FSTL4: variants seen among roughly 807,000 people sequenced by gnomAD.
The protein encoded by FSTL4 is follistatin like 4.
Under a neutral mutation model 78.2 loss-of-function variants are expected in FSTL4, and 28 were observed. The observed-to-expected ratio is 0.36, with a 90% CI of 0.27 to 0.49. FSTL4 has a LOEUF of 0.49. FSTL4 is among the 20% of genes least tolerant of loss of function. The pLI, the probability that FSTL4 is intolerant of heterozygous loss-of-function variation, is 0.98. For synonymous variants in FSTL4, 422 were observed against 440.5 expected (o/e 0.96, Z 0.53); for missense variants, 922 against 1,084.9 (o/e 0.85, Z 2.11).
chr5:133,540,720 C>CAAAAAAAAAAAAAAAAAAAAAAA (rs79162509), intron 3 of FSTL4, among the ~76,000 whole-genome samples: 5 of 70,266 alleles, frequency 7.1e-5, no homozygotes, highest in African/African-American at 1.7e-4. Flanking sequence ...TTAACATAGG[C>CAAAAAAAAAAAAAAAAAAAAAAA]AAAAAAAAAA....
intron 12 of FSTL4, 50 bp from the exon 13 acceptor site, chr5:133,217,428 C>T (rs1172047300): frequency 6.4e-7 from 1 of 1,554,152 alleles, no homozygotes; most frequent in South Asian, 1.2e-5. Flanking sequence ...CCTTTCCCTC[C>T]AACATCTCTA....
chr5:133,210,160 G>A (rs1354528777), intron 14 of FSTL4, 31 bp downstream of exon 14: 3 of 1,093,382 alleles, frequency 2.7e-6, no homozygotes, highest in Non-Finnish European at 4.3e-6. Context: ...TCAGTGGAGT[G>A]TGGGTATCAG....
chr5:133,814,440 C>T, the FSTL4 span, among the ~76,000 whole-genome samples: 1 of 152,138 alleles, frequency 6.6e-6, no homozygotes, highest in Non-Finnish European at 1.5e-5. Context: ...ACCAGTGCCC[C>T]TGACACATCA....
In FSTL4 at chr5:133,312,724, A is replaced by G; in HGVS notation, c.657T>C (p.Gly219=). Reference sequence around the variant, plus strand: ...TGTAATCGTCAAATCGGAGGAGGTCACCTGGTGAGCAACCAAGTAAGTCTT... The same window carrying G: ...TGTAATCGTCAAATCGGAGGAGGTCGCCTGGTGAGCAACCAAGTAAGTCTT... ...LDEDLLGCSP[G]DLLRFDDYNS... is the part of the protein sequence containing the mutation. The change falls in exon 6 of 16, where the codon GGT becomes GGC. Residue 219 remains glycine (G), a synonymous_variant. Coordinates refer to ENST00000265342, the MANE Select transcript of FSTL4 (RefSeq NM_015082.2). 2 of 1,613,930 alleles carry G rather than the reference A, an allele frequency of 1.2e-6. No homozygotes were observed. Among genetic ancestry groups the G allele is most frequent in the Non-Finnish European group, 1.7e-6 (2 of 1,179,762 alleles).
chr5:133,745,763 G>C, the FSTL4 span, among the ~76,000 whole-genome samples: 1 of 152,150 alleles, frequency 6.6e-6, no homozygotes, highest in Non-Finnish European at 1.5e-5. Flanking sequence ...TTAAAACTAC[G>C]AACTGTCATT....
At chr5:133,349,976 C>G (rs1263728289) in intron 4 of FSTL4, among the ~76,000 whole-genome samples, 2 of 113,634 alleles carry the variant, frequency 1.8e-5, no homozygotes, top group Non-Finnish European at 3.5e-5. Context: ...GGCTGCCATG[C>G]GACTGTAAAG....
chr5:133,575,791 A>G (rs750673110), intron 2 of FSTL4, among the ~76,000 whole-genome samples: 8 of 152,252 alleles, frequency 5.3e-5, no homozygotes, highest in Non-Finnish European at 8.8e-5. Flanking sequence ...GACTTAGTGC[A>G]TGGGCATTAC....
intron 3 of FSTL4, among the ~76,000 whole-genome samples, chr5:133,490,665 A>G (rs1758249609): frequency 6.6e-6 from 1 of 152,196 alleles, no homozygotes. Context: ...TATGTTTTTA[A>G]GTTTCCAAGT....
intron 3 of FSTL4, among the ~76,000 whole-genome samples, chr5:133,545,473 G>A (rs1580779696): frequency 6.6e-6 from 1 of 152,188 alleles, no homozygotes; most frequent in African/African-American, 2.4e-5. Context: ...TCATGATGCA[G>A]CATGAAGCCC....
chr5:133,523,135 A>T (rs1759018522), intron 3 of FSTL4, among the ~76,000 whole-genome samples: 1 of 152,188 alleles, frequency 6.6e-6, no homozygotes, highest in Admixed American at 6.5e-5. Context: ...TTATAAGAAG[A>T]GACGCCAGCC....
the FSTL4 span, among the ~76,000 whole-genome samples, chr5:133,841,074 A>G: frequency 9.2e-5 from 14 of 152,222 alleles, no homozygotes; most frequent in Admixed American, 9.2e-4. Context: ...TCCAACTGGG[A>G]TGAAATCACA....
intron 6 of FSTL4, among the ~76,000 whole-genome samples, chr5:133,275,276 G>A (rs1032500066): frequency 6.8e-5 from 10 of 147,362 alleles, no homozygotes; most frequent in Non-Finnish European, 1.5e-4. Context: ...AGTTCAAAAT[G>A]TGGCCAGGCA....
intron 4 of FSTL4, among the ~76,000 whole-genome samples, chr5:133,396,639 T>C (rs957349720): frequency 1.3e-5 from 2 of 152,142 alleles, no homozygotes; most frequent in African/African-American, 2.4e-5. Context: ...TGTGGAAGTA[T>C]AGAAATGCCC....
chr5:133,633,809 C>T, the FSTL4 span, among the ~76,000 whole-genome samples: 5 of 151,904 alleles, frequency 3.3e-5, no homozygotes, highest in Admixed American at 3.3e-4. Context: ...CTGTTACTCC[C>T]CAGTGGGTAT....
At chr5:133,431,397 G>T (rs921422230) in intron 3 of FSTL4, among the ~76,000 whole-genome samples, 2 of 152,226 alleles carry the variant, frequency 1.3e-5, no homozygotes, top group African/African-American at 4.8e-5. Context: ...AAGAAGGCTT[G>T]CAGCTTCCAC....
Position 133,232,505 on chromosome 5 carries a change from T to C in FSTL4, c.1015+912A>G, listed in dbSNP as rs575040310. On this transcript the variant is annotated intron_variant, in intron 8 of 15. Coordinates refer to ENST00000265342, the MANE Select transcript of FSTL4 (RefSeq NM_015082.2). ...TCCACCAAATATAGCTAAATTTGGC[T>C]TGAGTTACACCAACAATCACCCCCG... is the stretch of plus-strand genomic sequence containing the variant. 1.8e-3 allele frequency among the ~76,000 whole-genome samples: 273 copies of C among 152,338 alleles called. 1 individual carries two copies. The highest frequency in any genetic ancestry group is 6.3e-3 in the African/African-American group (261 of 41,576).
At chr5:133,477,181 G>C (rs1757941015) in intron 3 of FSTL4, among the ~76,000 whole-genome samples, 1 of 152,032 alleles carries the variant, frequency 6.6e-6, no homozygotes, top group East Asian at 1.9e-4. Flanking sequence ...TTATTAGTGA[G>C]TAAAAATCTA....
At chr5:133,641,845 TTTC>T in the FSTL4 span, among the ~76,000 whole-genome samples, 4 of 152,150 alleles carry the variant, frequency 2.6e-5, no homozygotes, top group Middle Eastern at 3.4e-3. Flanking sequence ...CTCTTTCTTC[TTTC>T]TTCTTCTTCT....
chr5:133,569,665 C>T (rs1400570307), intron 2 of FSTL4, among the ~76,000 whole-genome samples: 1 of 152,056 alleles, frequency 6.6e-6, no homozygotes, highest in African/African-American at 2.4e-5. Flanking sequence ...TTTTCTCTGG[C>T]ATTTAAGGAG....
Sources: allele counts gnomAD v4.1 joint callset (sites outside exome capture counted in the v4.1 genomes callset), GRCh38; gene constraint gnomAD v4.1.1; transcripts MANE v1.5; gene names NCBI Gene and HGNC (gene_info 2026-07-23, HGNC 2026-07-21).